The following GSE1 variants were observed in gnomAD, a reference collection of about 807,000 sequenced individuals.
GSE1 encodes the protein Gse1 coiled-coil protein, also known as genetic suppressor element 1.
In GSE1, 32 loss-of-function variants were observed where a neutral mutation model predicts 112.6. The observed-to-expected ratio is 0.28, with a 90% CI of 0.21 to 0.38. The LOEUF is 0.38. GSE1 is among the 10% of genes least tolerant of loss of function. The pLI is 1.00. For synonymous variants in GSE1, 1,115 were observed against 735.6 expected (o/e 1.52, Z -8.35); for missense variants, 2,348 against 1,699.2 (o/e 1.38, Z -6.71).
At chr16:85,481,756 G>C (rs577137528) in intron 2 of GSE1, among the ~76,000 whole-genome samples, 1 of 152,200 alleles carries the variant, frequency 6.6e-6, no homozygotes, top group African/African-American at 2.4e-5. Flanking sequence ...CCCAATGCCC[G>C]GCACTTTGGG....
At chr16:85,534,842 C>G (rs2044270290) in intron 2 of GSE1, among the ~76,000 whole-genome samples, 1 of 152,250 alleles carries the variant, frequency 6.6e-6, no homozygotes, top group South Asian at 2.1e-4. Context: ...CCTGTTCCTT[C>G]TGCTGCGTGG....
intron 2 of GSE1, among the ~76,000 whole-genome samples, chr16:85,414,244 A>G (rs1332149356): frequency 1.3e-5 from 2 of 152,214 alleles, no homozygotes; most frequent in Non-Finnish European, 1.5e-5. Context: ...ACTCGGAAAC[A>G]TCAGATACTT....
intron 2 of GSE1, among the ~76,000 whole-genome samples, chr16:85,646,543 T>G (rs995328718): frequency 6.6e-6 from 1 of 152,172 alleles, no homozygotes; most frequent in African/African-American, 2.4e-5. Context: ...TTGGGGACCT[T>G]GGCCTGTGCT....
chr16:85,303,728 C>G (rs2045588750), intron 1 of GSE1, among the ~76,000 whole-genome samples: 1 of 152,252 alleles, frequency 6.6e-6, no homozygotes, highest in Non-Finnish European at 1.5e-5. Context: ...GCCGCCGCCT[C>G]CCGAGTTCTG....
chr16:85,597,170 G>T lies in GSE1; in HGVS notation c.37+40807G>T, dbSNP rs1048717864. ...ATTTTTGCATTTGCAGTAGAGAAGG[G>T]GTTTCGCCATGTTGGCCAGGCTGGT... On this transcript the variant is annotated intron_variant, in intron 1 of 2. Coordinates refer to the GSE1 transcript ENST00000635906. Among the ~76,000 whole-genome samples, 16 of 151,852 alleles carry T rather than the reference G, an allele frequency of 1.1e-4. No homozygotes were observed. In the East Asian group the frequency reaches 3.0e-3, roughly 28 times the overall value.
intron 8 of GSE1, among the ~76,000 whole-genome samples, chr16:85,658,743 G>A (rs1383726718): frequency 6.6e-6 from 1 of 152,214 alleles, no homozygotes; most frequent in Non-Finnish European, 1.5e-5. Context: ...AGGACTGAGG[G>A]CAGCCAGCTC....
chr16:85,324,818 AT>A (rs1184044699), intron 1 of GSE1, among the ~76,000 whole-genome samples: 2 of 151,846 alleles, frequency 1.3e-5, no homozygotes, highest in East Asian at 3.9e-4. Flanking sequence ...GGAAAGGGGG[AT>A]AAATCTGAAT....
intron 3 of GSE1, among the ~76,000 whole-genome samples, chr16:85,649,998 C>G (rs547647576): frequency 6.6e-6 from 1 of 152,336 alleles, no homozygotes; most frequent in African/African-American, 2.4e-5. Context: ...CCCCCGGGGC[C>G]TGACGTTGCC....
At chr16:85,238,184 A>T (rs949959647) in intron 1 of GSE1, among the ~76,000 whole-genome samples, 1 of 152,070 alleles carries the variant, frequency 6.6e-6, no homozygotes, top group African/African-American at 2.4e-5. Flanking sequence ...GCGTCCTGCT[A>T]TTGATGTTTT....
intron 2 of GSE1, among the ~76,000 whole-genome samples, chr16:85,413,552 A>C (rs1007942124): frequency 6.6e-6 from 1 of 152,094 alleles, no homozygotes; most frequent in Non-Finnish European, 1.5e-5. Flanking sequence ...CCTTCAACCC[A>C]TGTCAGTAAA....
intron 1 of GSE1, among the ~76,000 whole-genome samples, chr16:85,219,604 C>A (rs2075358522): frequency 6.6e-6 from 1 of 152,248 alleles, no homozygotes; most frequent in South Asian, 2.1e-4. Flanking sequence ...TCTCATTCTG[C>A]TTCCATCCCA....
chr16:85,191,347 C>G (rs752009001), intron 1 of GSE1, among the ~76,000 whole-genome samples: 9 of 152,156 alleles, frequency 5.9e-5, no homozygotes, highest in Non-Finnish European at 1.3e-4. Context: ...TTAAAGTGTA[C>G]AATTCAATGT....
intron 2 of GSE1, among the ~76,000 whole-genome samples, chr16:85,529,587 C>T (rs1227665971): frequency 6.6e-6 from 1 of 152,202 alleles, no homozygotes; most frequent in Admixed American, 6.5e-5. Context: ...CTCCTATTTG[C>T]TCTAGCCCCC....
At chr16:85,312,639 C>T (rs2045885619) in intron 1 of GSE1, among the ~76,000 whole-genome samples, 2 of 143,320 alleles carry the variant, frequency 1.4e-5, no homozygotes, top group Non-Finnish European at 3.1e-5. Flanking sequence ...TCACAGGTTC[C>T]AGCAGGACAT....
chr16:85,302,473 C>G (rs1176834941), intron 1 of GSE1, among the ~76,000 whole-genome samples: 1 of 151,766 alleles, frequency 6.6e-6, no homozygotes, highest in African/African-American at 2.4e-5. Context: ...CACACACACA[C>G]CGATAGTACT....
chr16:85,613,419 C>T, intron 1 of GSE1, 21 bp downstream of exon 1: 2 of 1,547,910 alleles, frequency 1.3e-6, no homozygotes, highest in Middle Eastern at 1.7e-4. Flanking sequence ...CGCACCCGGC[C>T]GGGGACGGGG....
chr16:85,304,604 G>GGGGGGGGGGGA, intron 1 of GSE1, among the ~76,000 whole-genome samples: 1 of 135,116 alleles, frequency 7.4e-6, no homozygotes, highest in Admixed American at 7.2e-5. Flanking sequence ...CCGGGGGCGG[G>GGGGGGGGGGGA]GGGGTGGGGC....
intron 2 of GSE1, among the ~76,000 whole-genome samples, chr16:85,636,030 C>T (rs1364738818): frequency 1.3e-5 from 2 of 152,236 alleles, no homozygotes; most frequent in Admixed American, 6.5e-5. Context: ...GGCCTGAGTG[C>T]CAGAGGCCGC....
At chr16:85,255,543 C>T (rs2144061152) in intron 1 of GSE1, among the ~76,000 whole-genome samples, 1 of 151,966 alleles carries the variant, frequency 6.6e-6, no homozygotes, top group Non-Finnish European at 1.5e-5. Context: ...TCCCAAGTAG[C>T]TGGGATTACA....
Sources: gnomAD v4.1 joint callset for allele counts (sites outside exome capture counted in the v4.1 genomes callset) on GRCh38, gnomAD v4.1.1 for gene constraint, MANE v1.5 for transcripts, NCBI Gene and HGNC (gene_info 2026-07-23, HGNC 2026-07-21) for gene names.